The following SPINK1 variants were observed in gnomAD, a reference collection of about 807,000 sequenced individuals.
SPINK1 encodes the protein serine protease inhibitor Kazal-type 1.
A neutral mutation model predicts 9.5 loss-of-function variants in SPINK1; 5 were observed. That is an observed-to-expected ratio of 0.52 (90% CI 0.27 to 1.10). The LOEUF (loss-of-function observed/expected upper bound fraction) is 1.10. Among genes scored for constraint, SPINK1 ranks in the 50% least tolerant of loss-of-function variants. The probability of loss-of-function intolerance (pLI) is 0.11; values close to 1 mark genes in which losing one functional copy is unlikely to be tolerated. For missense variants in SPINK1, 88 were observed against 92.7 expected, an observed-to-expected ratio of 0.95 and a Z score of 0.21; for synonymous variants, 37 against 32.3, an observed-to-expected ratio of 1.14 and a Z score of -0.49.
At chr5:147,833,234 G>A (rs777840423), upstream of SPINK1, among the ~76,000 whole-genome samples, 2 of 152,172 alleles carry the variant, frequency 1.3e-5, no homozygotes, top group Non-Finnish European at 2.9e-5. Context: ...TCTGGCTTGA[G>A]CAAAGTGATA....
intron 1 of SPINK1, among the ~76,000 whole-genome samples, chr5:147,831,045 G>A (rs1056919989): frequency 6.6e-5 from 10 of 152,032 alleles, no homozygotes; most frequent in African/African-American, 2.4e-4. Context: ...GGATAAATCT[G>A]ACAAACTATA....
chr5:147,824,847 A>G, intron 3 of SPINK1, 141 bp from the exon 4 acceptor site: 1 of 754,448 alleles, frequency 1.3e-6, no homozygotes, highest in South Asian at 1.6e-5. Flanking sequence ...TCTGTCTTTC[A>G]TTCATTTATA....
chr5:147,839,082 G>C, the SPINK1 span, among the ~76,000 whole-genome samples: 2 of 152,200 alleles, frequency 1.3e-5, no homozygotes, highest in African/African-American at 4.8e-5. Context: ...AAAGGAAAGA[G>C]GTTTAATTGA....
rs1201992206 is a variant in SPINK1 at position 147,828,047 on chromosome 5, C to T, written c.169G>A (p.Glu57Lys). ...CGATTTTCAAAACATAACACGCATT[C>T]ATTGGGATAAGTATTTCCATCAGTC... ...CGTDGNTYPN[E>K]CVLCFENRKR... The change falls in exon 3 of 4, where the codon GAA (glutamate) becomes AAA (lysine). Residue 57 changes from glutamate (E) to lysine (K), a missense_variant. By Grantham distance (56) the Glu-to-Lys change is moderately conservative. Coordinates refer to ENST00000296695, the MANE Select transcript of SPINK1 (RefSeq NM_001379610.1). 6.2e-7 allele frequency: 1 copy of T among 1,613,296 alleles called. No homozygotes were observed. Among genetic ancestry groups the T allele is most frequent in the Admixed American group, 1.7e-5 (1 of 60,000 alleles).
At chr5:147,830,249 A>G (rs887067427) in intron 1 of SPINK1, among the ~76,000 whole-genome samples, 3 of 152,196 alleles carry the variant, frequency 2.0e-5, no homozygotes, top group Non-Finnish European at 4.4e-5. Context: ...CTATGGGTCT[A>G]ACTCACATTT....
In SPINK1 at chr5:147,829,643, C is replaced by T. The variant is rs774722700; in HGVS notation, c.56-13G>A. 6.2e-7 allele frequency: 1 copy of T among 1,611,224 alleles called. No homozygotes were observed. Among genetic ancestry groups the T allele is most frequent in the South Asian group, 1.1e-5 (1 of 91,002 alleles). ...GCTCCAGTGTTACCTAGAAATAAAT[C>T]AGATATGGTAAGTTGGGTCCTAAAT... On this transcript the variant is annotated splice_polypyrimidine_tract_variant and intron_variant, in intron 1 of 3. Coordinates refer to ENST00000296695, the MANE Select transcript of SPINK1 (RefSeq NM_001379610.1).
intron 3 of SPINK1, among the ~76,000 whole-genome samples, chr5:147,825,543 G>A (rs113232802): frequency 1.4e-3 from 213 of 151,848 alleles, no homozygotes; most frequent in African/African-American, 4.9e-3. Context: ...CCGGGTTCAA[G>A]TGATTCTCCT....
intron 1 of SPINK1, among the ~76,000 whole-genome samples, chr5:147,831,274 G>T (rs1262142929): frequency 6.6e-6 from 1 of 151,864 alleles, no homozygotes; most frequent in Non-Finnish European, 1.5e-5. Flanking sequence ...CCCAACAAAG[G>T]GTCAGCCACA....
upstream of SPINK1, among the ~76,000 whole-genome samples, chr5:147,835,528 T>C (rs1246440911): frequency 6.6e-6 from 1 of 152,112 alleles, no homozygotes; most frequent in Non-Finnish European, 1.5e-5. Context: ...ATTTTTTCCT[T>C]TTCTTCTTTA....
At chr5:147,837,748 C>A in the SPINK1 span, among the ~76,000 whole-genome samples, 1 of 141,710 alleles carries the variant, frequency 7.1e-6, no homozygotes, top group Non-Finnish European at 1.5e-5. Context: ...GTCACCTGGG[C>A]TGGAGTGCAG....
rs896556427 is a variant in SPINK1, at chr5:147,829,351, A to G, written c.87+248T>C. ...TTGTCTACAGCTATCACTAGTCTAT[A>G]TAAAAACCCCTTCACAGCAAGCACT... On this transcript the variant is annotated intron_variant, in intron 2 of 3. Coordinates refer to ENST00000296695, the MANE Select transcript of SPINK1 (RefSeq NM_001379610.1). 2.0e-5 allele frequency among the ~76,000 whole-genome samples: 3 copies of G among 152,204 alleles called. No homozygotes were observed. The East Asian group carries it at 5.8e-4, about 29-fold the overall frequency.
the SPINK1 span, among the ~76,000 whole-genome samples, chr5:147,837,649 T>TTTTTTTCTTTCTTTC: frequency 3.7e-5 from 4 of 107,032 alleles, no homozygotes; most frequent in Non-Finnish European, 7.5e-5. Context: ...CATTAACTTC[T>TTTTTTTCTTTCTTTC]TTTCTTTCTT....
At chr5:147,830,045 A>T (rs997009402) in intron 1 of SPINK1, among the ~76,000 whole-genome samples, 4 of 152,228 alleles carry the variant, frequency 2.6e-5, no homozygotes, top group Non-Finnish European at 5.9e-5. Flanking sequence ...CAGTTTACAG[A>T]TGAAAGTATG....
Position 147,827,986 on chromosome 5 carries a change from A to G in SPINK1, c.194+36T>C, listed in dbSNP as rs954644567. 2.0e-6 allele frequency: 3 copies of G among 1,493,212 alleles called. No individual in the cohort carries two copies. The African/African-American group carries it at 4.2e-5, about 21-fold the overall frequency. The allele number at this position is 1,493,212 out of a possible 1,614,324, so 92.5% of individuals were successfully genotyped here. ...TACACTTGAAGATAACTAACTTAAA[A>G]TATATAGTTTAAAAGAAACTCAAGT... On this transcript the variant is annotated intron_variant, in intron 3 of 3. Coordinates refer to ENST00000296695, the MANE Select transcript of SPINK1 (RefSeq NM_001379610.1).
At chr5:147,826,161 A>G (rs1024537251) in intron 3 of SPINK1, among the ~76,000 whole-genome samples, 1 of 152,168 alleles carries the variant, frequency 6.6e-6, no homozygotes, top group Non-Finnish European at 1.5e-5. Flanking sequence ...TATTGAATAT[A>G]TTTGCCAAGC....
At chr5:147,827,094 A>C (rs1398642466) in intron 3 of SPINK1, 1 of 150,920 alleles carries the variant, frequency 6.6e-6, no homozygotes, top group Non-Finnish European at 1.5e-5. Context: ...CCTTTTTTTT[A>C]AGATGGAGTC....
chr5:147,835,717 G>A (rs1426302517), upstream of SPINK1, among the ~76,000 whole-genome samples: 2 of 152,058 alleles, frequency 1.3e-5, no homozygotes, highest in Non-Finnish European at 1.5e-5. Context: ...TATTGGGCTG[G>A]CACCTGTTGA....
chr5:147,836,303 T>C (rs565470057), upstream of SPINK1, among the ~76,000 whole-genome samples: 9 of 110,428 alleles, frequency 8.2e-5, no homozygotes, highest in Non-Finnish European at 1.0e-4. Flanking sequence ...GATTTGTGTG[T>C]GTGTGTGTGT....
chr5:147,835,123 A>T (rs56745498), upstream of SPINK1, among the ~76,000 whole-genome samples: 2,486 of 152,020 alleles, frequency 0.016, 74 homozygotes, highest in African/African-American at 0.057. Context: ...TAAAGAGGAT[A>T]AAAAAAACCC....
Sources: allele counts gnomAD v4.1 joint callset (sites outside exome capture counted in the v4.1 genomes callset), GRCh38; gene constraint gnomAD v4.1.1; transcripts MANE v1.5; gene names NCBI Gene and HGNC (gene_info 2026-07-23, HGNC 2026-07-21).